The following CARMIL1 variants were observed in gnomAD, a reference collection of about 807,000 sequenced individuals.
CARMIL1 encodes the protein capping protein regulator and myosin 1 linker 1.
CARMIL1 carries 90 observed loss-of-function variants against 177.1 expected under a neutral mutation model. That is an observed-to-expected ratio of 0.51 (90% CI 0.43 to 0.61). CARMIL1 has a LOEUF of 0.61. CARMIL1 is among the 20% of genes least tolerant of loss of function. The probability of loss-of-function intolerance (pLI) is 0.00; values close to 1 mark genes in which losing one functional copy is unlikely to be tolerated. For missense variants in CARMIL1, 1,380 were observed against 1,667.0 expected, an observed-to-expected ratio of 0.83 and a Z score of 3.00; for synonymous variants, 577 against 606.2, an observed-to-expected ratio of 0.95 and a Z score of 0.71.
intron 20 of CARMIL1, among the ~76,000 whole-genome samples, chr6:25,513,584 T>C (rs1185495830): frequency 3.3e-5 from 5 of 152,250 alleles, no homozygotes; most frequent in Non-Finnish European, 7.3e-5. Flanking sequence ...TGTTGATATC[T>C]GAGTCTTGAA....
At position 25,605,485 on chromosome 6, in the gene CARMIL1, T is replaced by C. The variant is rs183533907; in HGVS notation, c.3635-576T>C. Among the ~76,000 whole-genome samples the C allele has an allele frequency of 1.1e-4, 17 of 152,348 alleles. No homozygotes were observed. The East Asian group carries it at 2.7e-3, about 24-fold the overall frequency. On this transcript the variant is annotated intron_variant, in intron 34 of 36. Transcript: ENST00000329474. ...GTATCTTGGTGCAGTAAGAGTTGGATGATAAATCACATTTTATGGGCTTAT... is the reference window on the plus strand; with the variant it reads ...GTATCTTGGTGCAGTAAGAGTTGGACGATAAATCACATTTTATGGGCTTAT...
chr6:25,362,951 T>C (rs1232911421), intron 2 of CARMIL1, among the ~76,000 whole-genome samples: 5 of 151,974 alleles, frequency 3.3e-5, no homozygotes, highest in Non-Finnish European at 5.9e-5. Context: ...ATGAGAATTG[T>C]CTGAACCTGG....
Position 25,491,763 on chromosome 6 carries a change from C to G in CARMIL1, c.1097C>G (p.Ala366Gly). The G allele has an allele frequency of 1.9e-6, 3 of 1,600,002 alleles. No homozygotes were observed. The highest frequency in any genetic ancestry group is 2.6e-6 in the Non-Finnish European group (3 of 1,172,906). ...HMYNFLAQPN[A>G]IVHLDLSNTE... ...TATAATTTTTTGGCCCAGCCAAATG[C>G]CATTGTTCATCTGGATTTATCCAAT... is the stretch of plus-strand genomic sequence containing the variant. The change falls in exon 14 of 37, where the codon GCC becomes GGC. Residue 366 changes from alanine (A) to glycine (G), a missense_variant. By Grantham distance (60) the Ala-to-Gly change is moderately conservative. Transcript: ENST00000329474.
At chr6:25,297,573 G>A (rs890872008) in intron 2 of CARMIL1, among the ~76,000 whole-genome samples, 2 of 152,286 alleles carry the variant, frequency 1.3e-5, no homozygotes, top group South Asian at 4.1e-4. Context: ...AATCTTTCCT[G>A]TCCAGGGTTG....
chr6:25,539,625 C>CA lies in CARMIL1; in HGVS notation c.2197-295dup, dbSNP rs11304932. On this transcript the variant is annotated intron_variant, in intron 25 of 36. Transcript: ENST00000329474. ...GGGCAACAAGAGCGAAACTCCATCT[C>CA]AAAAAAAAAAAAAAAAAAAAAAAAA... 3.4e-3 allele frequency among the ~76,000 whole-genome samples: 189 copies of CA among 55,720 alleles called. 15 individuals are homozygous for CA. The highest frequency in any genetic ancestry group is 0.021 in the East Asian group (30 of 1,442). The allele number at this position is 55,720 out of a possible 152,430, so 36.6% of individuals were successfully genotyped here. A position where few individuals can be genotyped will look rare whatever the true frequency, so the allele number is the denominator to read the frequency against.
At chr6:25,408,708 C>A (rs186848775) in intron 2 of CARMIL1, among the ~76,000 whole-genome samples, 3 of 152,024 alleles carry the variant, frequency 2.0e-5, no homozygotes, top group African/African-American at 4.8e-5. Flanking sequence ...GCTGTATTGT[C>A]CCCTGATGAG....
chr6:25,309,592 C>T (rs576669971), intron 2 of CARMIL1, among the ~76,000 whole-genome samples: 115 of 149,856 alleles, frequency 7.7e-4, no homozygotes, highest in African/African-American at 2.5e-3. Flanking sequence ...CTCTATGGAC[C>T]GGCCTAGTCT....
intron 8 of CARMIL1, chr6:25,451,987 C>CCCCCCCA: frequency 1.6e-5 from 1 of 62,878 alleles, no homozygotes; most frequent in Non-Finnish European, 3.3e-5. Flanking sequence ...TAGCATCTTG[C>CCCCCCCA]CCCCCCCTCC....
chr6:25,572,577 TGTAGTCCCAG>T (rs921195064), intron 29 of CARMIL1, among the ~76,000 whole-genome samples: 1 of 151,976 alleles, frequency 6.6e-6, no homozygotes, highest in African/African-American at 2.4e-5. Flanking sequence ...GGTACGTATC[TGTAGTCCCAG>T]CTACTCAGGA....
At chr6:25,327,611 T>C (rs1785247376) in intron 2 of CARMIL1, among the ~76,000 whole-genome samples, 1 of 152,236 alleles carries the variant, frequency 6.6e-6, no homozygotes, top group Admixed American at 6.5e-5. Context: ...TTTGTAGTCC[T>C]GAAAAGGAGT....
At chr6:25,459,276 T>TC (rs1210756365) in intron 8 of CARMIL1, among the ~76,000 whole-genome samples, 2 of 134,736 alleles carry the variant, frequency 1.5e-5, no homozygotes, top group African/African-American at 5.6e-5. Flanking sequence ...CTTTTTTTTT[T>TC]TTTTAAGACA....
intron 5 of CARMIL1, 97 bp downstream of exon 5, chr6:25,435,701 C>T (rs867062682): frequency 3.8e-6 from 5 of 1,330,596 alleles, no homozygotes; most frequent in Non-Finnish European, 5.0e-6. Flanking sequence ...TCACTTAGTT[C>T]CTCTCTCAGA....
intron 29 of CARMIL1, among the ~76,000 whole-genome samples, chr6:25,564,467 T>C (rs1811386194): frequency 6.6e-6 from 1 of 152,244 alleles, no homozygotes; most frequent in Non-Finnish European, 1.5e-5. Flanking sequence ...ATGAAATTTG[T>C]TACCATATGT....
chr6:25,375,729 C>T (rs1328526905), intron 2 of CARMIL1, among the ~76,000 whole-genome samples: 2 of 152,148 alleles, frequency 1.3e-5, no homozygotes, highest in Non-Finnish European at 2.9e-5. Flanking sequence ...AAAGGCTTAT[C>T]TTCAAGCTCT....
At chr6:25,425,452 A>G (rs1416918848) in intron 3 of CARMIL1, among the ~76,000 whole-genome samples, 1 of 152,174 alleles carries the variant, frequency 6.6e-6, no homozygotes, top group East Asian at 1.9e-4. Flanking sequence ...TCATGGTACA[A>G]CATACCACCA....
chr6:25,606,699 A>G (rs1169302837), intron 35 of CARMIL1, among the ~76,000 whole-genome samples: 11 of 152,226 alleles, frequency 7.2e-5, no homozygotes, highest in Admixed American at 7.2e-4. Flanking sequence ...TTTATGCCAT[A>G]TTCTATGATA....
chr6:25,413,108 A>G (rs1795063260), intron 2 of CARMIL1, among the ~76,000 whole-genome samples: 1 of 151,986 alleles, frequency 6.6e-6, no homozygotes, highest in Non-Finnish European at 1.5e-5. Context: ...ATAACTCTGC[A>G]GTGGTGATAA....
At chr6:25,510,977 G>T (rs1174314604) in intron 20 of CARMIL1, among the ~76,000 whole-genome samples, 1 of 152,030 alleles carries the variant, frequency 6.6e-6, no homozygotes, top group Non-Finnish European at 1.5e-5. Context: ...TCAATTAAAG[G>T]AAGATTGTCA....
chr6:25,465,455 G>A (rs1800518562), intron 8 of CARMIL1: 1 of 156,248 alleles, frequency 6.4e-6, no homozygotes. Flanking sequence ...CGGAAGTCAA[G>A]GCTGCAGTCA....
Sources: allele counts gnomAD v4.1 joint callset (sites outside exome capture counted in the v4.1 genomes callset), GRCh38; gene constraint gnomAD v4.1.1; transcripts MANE v1.5; gene names NCBI Gene and HGNC (gene_info 2026-07-23, HGNC 2026-07-21).